TNR: variants seen among roughly 807,000 people sequenced by gnomAD.
TNR encodes the protein tenascin-R.
TNR carries 45 observed loss-of-function variants against 150.4 expected under a neutral mutation model. That is an observed-to-expected ratio of 0.30 (90% CI 0.24 to 0.38). TNR has a LOEUF of 0.38. Among genes scored for constraint, TNR ranks in the 10% least tolerant of loss-of-function variants. TNR has a pLI of 1.00. For missense variants in TNR, 1,544 were observed against 1,759.1 expected, an observed-to-expected ratio of 0.88 and a Z score of 2.19; for synonymous variants, 687 against 678.4, an observed-to-expected ratio of 1.01 and a Z score of -0.20.
At chr1:175,387,046 C>T (rs762095081) in intron 7 of TNR, among the ~76,000 whole-genome samples, 5 of 152,172 alleles carry the variant, frequency 3.3e-5, no homozygotes, top group Non-Finnish European at 4.4e-5. Context: ...TAAGCCCTGG[C>T]CCCTGGCACT....
intron 2 of TNR, among the ~76,000 whole-genome samples, chr1:175,482,135 A>G (rs1468352628): frequency 6.6e-6 from 1 of 152,244 alleles, no homozygotes; most frequent in African/African-American, 2.4e-5. Context: ...CAACTGGCAC[A>G]AGAACAAGCA....
intron 1 of TNR, among the ~76,000 whole-genome samples, chr1:175,615,994 T>C (rs1663761638): frequency 6.6e-6 from 1 of 152,190 alleles, no homozygotes; most frequent in Non-Finnish European, 1.5e-5. Flanking sequence ...TTACCTAAAG[T>C]ACATACCTAA....
Position 175,362,704 on chromosome 1 carries a change from C to T in TNR, c.2813G>A (p.Gly938Asp), listed in dbSNP as rs767727361. 1 of 1,614,148 alleles carries T rather than the reference C, an allele frequency of 6.2e-7. No individual in the cohort carries two copies. Among genetic ancestry groups the T allele is most frequent in the Non-Finnish European group, 8.5e-7 (1 of 1,180,008 alleles). The change falls in exon 14 of 23, where the codon GGC becomes GAC. Residue 938 changes from glycine (G) to aspartate (D), a missense_variant. By Grantham distance (94) the Gly-to-Asp change is moderately conservative (BLOSUM62 -1). Around this residue, in one of 2 missense-constraint regions of TNR, gnomAD observed 1,254 missense variants for 1,329.4 expected, o/e 0.94. Transcript: ENST00000367674. ...ACAGATGCGCTCGCTTTCCTCCCTG[C>T]CCCGCACGCTGTTGAGGCTGATTTC... ...EYEISLNSVR[G>D]REESERICTL... is the part of the protein sequence containing the mutation.
At chr1:175,459,080 A>G (rs990012848) in intron 2 of TNR, among the ~76,000 whole-genome samples, 3 of 151,724 alleles carry the variant, frequency 2.0e-5, no homozygotes, top group Non-Finnish European at 1.5e-5. Context: ...CATCACCTCT[A>G]CTATCATTAC....
intron 2 of TNR, 23 bp downstream of exon 2, chr1:175,528,246 G>T (rs1285932544): frequency 6.6e-6 from 1 of 152,210 alleles, no homozygotes; most frequent in African/African-American, 2.4e-5. Context: ...AATGATGAAT[G>T]ATCAAATGTT....
chr1:175,453,572 T>C (rs1268034034), intron 2 of TNR, among the ~76,000 whole-genome samples: 1 of 152,092 alleles, frequency 6.6e-6, no homozygotes, highest in East Asian at 1.9e-4. Context: ...ATTATTATTA[T>C]TTTTCAGAGA....
intron 2 of TNR, among the ~76,000 whole-genome samples, chr1:175,415,225 A>G (rs1377883808): frequency 6.6e-6 from 1 of 150,970 alleles, no homozygotes; most frequent in African/African-American, 2.4e-5. Context: ...TTGGAGAAAG[A>G]GGGTAATTAT....
chr1:175,618,655 A>G (rs2101862380), intron 1 of TNR, among the ~76,000 whole-genome samples: 1 of 152,332 alleles, frequency 6.6e-6, no homozygotes, highest in East Asian at 1.9e-4. Context: ...AGAACCATAC[A>G]GAAAGCCATA....
chr1:175,695,767 C>T (rs1419589598), intron 1 of TNR, among the ~76,000 whole-genome samples: 1 of 152,178 alleles, frequency 6.6e-6, no homozygotes, highest in Non-Finnish European at 1.5e-5. Context: ...ATGTTCCTTT[C>T]CTTCAGAACA....
At chr1:175,505,132 GC>G (rs1658901783) in intron 2 of TNR, among the ~76,000 whole-genome samples, 4 of 69,102 alleles carry the variant, frequency 5.8e-5, no homozygotes, top group African/African-American at 2.5e-4. Flanking sequence ...CCAATCTGCA[GC>G]CCCCAAACCC....
At chr1:175,489,977 T>C (rs2102137799) in intron 2 of TNR, among the ~76,000 whole-genome samples, 1 of 152,236 alleles carries the variant, frequency 6.6e-6, no homozygotes, top group Admixed American at 6.5e-5. Context: ...CAAAATATAC[T>C]ACTAGGCTAC....
chr1:175,538,268 G>A (rs909063761), intron 1 of TNR, among the ~76,000 whole-genome samples: 1 of 152,122 alleles, frequency 6.6e-6, no homozygotes, highest in Non-Finnish European at 1.5e-5. Context: ...GTGACTACAA[G>A]GCCACTGTCT....
rs556707680 is a variant in TNR, at chr1:175,595,968, T to G, written c.-164-67599A>C. ...AACTTGTGGTGGAGGCAGGCGAATA[T>G]GATAATGGAGGAGGGGCTATCAGAA... On this transcript the variant is annotated intron_variant, in intron 1 of 22. Coordinates refer to ENST00000367674, the MANE Select transcript of TNR (RefSeq NM_003285.3). Among the ~76,000 whole-genome samples, 3 of 143,776 alleles carry G rather than the reference T, an allele frequency of 2.1e-5. No homozygotes were observed. The South Asian group carries it at 6.5e-4, about 31-fold the overall frequency. The allele number at this position is 143,776 out of a possible 152,430, so 94.3% of individuals were successfully genotyped here. A position where few individuals can be genotyped will look rare whatever the true frequency, so the allele number is the denominator to read the frequency against.
At chr1:175,559,978 C>G (rs1661357900) in intron 1 of TNR, among the ~76,000 whole-genome samples, 1 of 152,216 alleles carries the variant, frequency 6.6e-6, no homozygotes, top group African/African-American at 2.4e-5. Context: ...AGATGATTGC[C>G]TCTTTTGTCC....
intron 1 of TNR, among the ~76,000 whole-genome samples, chr1:175,672,496 G>A (rs960576124): frequency 6.6e-6 from 1 of 152,214 alleles, no homozygotes; most frequent in African/African-American, 2.4e-5. Flanking sequence ...TTCTCCCTAA[G>A]TGAGGATAAA....
intron 8 of TNR, among the ~76,000 whole-genome samples, chr1:175,384,157 A>G (rs1278769084): frequency 6.6e-6 from 1 of 152,216 alleles, no homozygotes; most frequent in African/African-American, 2.4e-5. Flanking sequence ...GCAGAGCACA[A>G]AGAAACCACT....
At chr1:175,654,944 G>A (rs947484442) in intron 1 of TNR, among the ~76,000 whole-genome samples, 2 of 151,946 alleles carry the variant, frequency 1.3e-5, no homozygotes, top group Non-Finnish European at 2.9e-5. Context: ...GGATGGTCTC[G>A]ATCTCCTGAC....
At chr1:175,568,826 A>G (rs2102217487) in intron 1 of TNR, among the ~76,000 whole-genome samples, 1 of 152,330 alleles carries the variant, frequency 6.6e-6, no homozygotes, top group Admixed American at 6.5e-5. Context: ...ATGGAATACA[A>G]TGAAGGCAAG....
chr1:175,414,334 T>C (rs1654342759), intron 2 of TNR, among the ~76,000 whole-genome samples: 1 of 150,426 alleles, frequency 6.6e-6, no homozygotes, highest in Non-Finnish European at 1.5e-5. Context: ...AGTGCCAGGC[T>C]GGTGGAGAAA....
Sources: gnomAD v4.1 joint callset for allele counts (sites outside exome capture counted in the v4.1 genomes callset) on GRCh38, gnomAD v4.1.1 for gene constraint, gnomAD v4.1.1 regional missense constraint, MANE v1.5 for transcripts, NCBI Gene and HGNC (gene_info 2026-07-23, HGNC 2026-07-21) for gene names.